The following LENG8 variants were observed in gnomAD, a reference collection of about 807,000 sequenced individuals.
LENG8 encodes leukocyte receptor cluster member 8, also known as leukocyte receptor cluster (LRC) member 8.
A neutral mutation model predicts 102.1 loss-of-function variants in LENG8; 28 were observed. The observed-to-expected ratio is 0.27, with a 90% confidence interval of 0.20 to 0.38. The LOEUF (loss-of-function observed/expected upper bound fraction) is 0.38. Among genes scored for constraint, LENG8 ranks in the 10% least tolerant of loss-of-function variants. The pLI, the probability that LENG8 is intolerant of heterozygous loss-of-function variation, is 1.00. For missense variants in LENG8, 1,022 were observed against 1,113.9 expected, an observed-to-expected ratio of 0.92 and a Z score of 1.17; for synonymous variants, 531 against 456.7, an observed-to-expected ratio of 1.16 and a Z score of -2.07.
rs1462020605 is a variant in LENG8 at position 54,454,995 on chromosome 19, C to T, written c.724C>T (p.Pro242Ser). Residue 242 changes from proline (P) to serine (S), a missense_variant, in exon 7 of 16, where the codon CCC becomes TCC. Pro to Ser is a moderately conservative substitution (Grantham distance 74). This residue lies in a region of LENG8 where 343 missense variants were observed against 320.2 expected (regional missense o/e 1.07). Coordinates refer to ENST00000326764, the MANE Select transcript of LENG8 (RefSeq NM_052925.4). ...GGLKFNIQKRPFAVTTQSFGS... is the reference protein window; with the variant it reads ...GGLKFNIQKRSFAVTTQSFGS... Reference sequence around the variant, plus strand: ...TCTCAAGTTCAACATCCAGAAGCGACCCTTTGCTGTTACCACCCAGAGCTT... The same window carrying T: ...TCTCAAGTTCAACATCCAGAAGCGATCCTTTGCTGTTACCACCCAGAGCTT... 1.9e-6 allele frequency: 3 copies of T among 1,614,214 alleles called. No individual in the cohort carries two copies. Among genetic ancestry groups the T allele is most frequent in the Non-Finnish European group, 2.5e-6 (3 of 1,180,036 alleles).
At position 54,457,701 on chromosome 19, in the gene LENG8, G is replaced by C. The variant is rs761379324; in HGVS notation, c.1732-46G>C. On this transcript the variant is annotated intron_variant, in intron 11 of 15. Transcript: ENST00000326764. ...CAAATAAGTGGAAGCCGTTGGCCACGCTACCTGAGTTGTACTCCGAGTGTG... is the reference window on the plus strand; with the variant it reads ...CAAATAAGTGGAAGCCGTTGGCCACCCTACCTGAGTTGTACTCCGAGTGTG... The C allele has an allele frequency of 3.6e-6, 5 of 1,392,690 alleles. No homozygotes were observed. The African/African-American group carries it at 5.7e-5, about 16-fold the overall frequency. 86.3% of individuals were successfully genotyped at this position (1,392,690 alleles called of 1,614,324 possible).
intron 11 of LENG8, among the ~76,000 whole-genome samples, chr19:54,457,319 C>A (rs1393108101): frequency 1.3e-5 from 2 of 152,188 alleles, no homozygotes; most frequent in African/African-American, 4.8e-5. Context: ...GAGGTGGCCA[C>A]TCTTAACCCA....
intron 6 of LENG8, 129 bp from the exon 7 acceptor site, chr19:54,454,822 G>A: frequency 1.4e-6 from 2 of 1,431,602 alleles, no homozygotes; most frequent in Non-Finnish European, 1.9e-6. Flanking sequence ...TCTGGACCAG[G>A]CACATGTGTG....
Position 54,456,096 on chromosome 19 carries a change from C to A in LENG8, c.1155C>A (p.Pro385=). 1 of 1,608,718 alleles carries A rather than the reference C, an allele frequency of 6.2e-7. No individual in the cohort carries two copies. Residue 385 remains proline (P), a synonymous_variant, in exon 9 of 16, where the codon CCC becomes CCA. Transcript: ENST00000326764. ...GTGCCCCGTCCCAGCGAGGGACGCC[C>A]GGGGCTGGGGGTGCCGGTCGAGCCC... ...GGGAPSQRGT[P]GAGGAGRARG... is the part of the protein sequence containing the mutation.
rs1321883221 is a variant in LENG8, at chr19:54,461,806, T to G, written c.*878T>G. The G allele has an allele frequency of 2.6e-5, 12 of 467,666 alleles. No homozygotes were observed. Among genetic ancestry groups the G allele is most frequent in the East Asian group, 1.4e-4 (2 of 14,070 alleles). 29.0% of individuals were successfully genotyped at this position (467,666 alleles called of 1,614,324 possible). On this transcript the variant is annotated 3_prime_UTR_variant, in exon 16 of 16. Transcript: ENST00000326764. The stretch of plus-strand genomic sequence containing the variant: ...CTCCTCTCCCTTTTCTTTTTGGCCC[T>G]CCCTCCCTCCCTCTTCTGCCATGTA...
intron 7 of LENG8, 78 bp downstream of exon 7, chr19:54,455,170 G>A: frequency 6.3e-7 from 1 of 1,589,110 alleles, no homozygotes; most frequent in Admixed American, 1.7e-5. Flanking sequence ...CTGGCCAGCT[G>A]CCCACCCTGA....
chr19:54,456,348 G>C lies in LENG8; in HGVS notation c.1328G>C (p.Ser443Thr). The C allele has an allele frequency of 6.2e-7, 1 of 1,613,778 alleles. No individual in the cohort carries two copies. Among genetic ancestry groups the C allele is most frequent in the Non-Finnish European group, 8.5e-7 (1 of 1,180,008 alleles). Residue 443 changes from serine (S) to threonine (T), a missense_variant, in exon 10 of 16, where the codon AGC becomes ACC. Physicochemically the swap from Ser to Thr is moderately conservative, Grantham distance 58. This residue lies in a region of LENG8 where 326 missense variants were observed against 324.5 expected (regional missense o/e 1.00). Coordinates refer to ENST00000326764, the MANE Select transcript of LENG8 (RefSeq NM_052925.4). Reference protein sequence around the residue: ...RRSDSHSDSDSSYSGNECHPV... With the variant: ...RRSDSHSDSDTSYSGNECHPV... Reference sequence around the variant, plus strand: ...AGTGACTCCCACTCAGACTCCGACAGCTCCTACTCAGGGAATGAGTGTCAC... The same window carrying C: ...AGTGACTCCCACTCAGACTCCGACACCTCCTACTCAGGGAATGAGTGTCAC...
Position 54,460,868 on chromosome 19 carries a change from G to C in LENG8, c.2343G>C (p.Thr781=). The C allele has an allele frequency of 6.4e-7, 1 of 1,562,978 alleles. No homozygotes were observed. The highest frequency in any genetic ancestry group is 8.7e-7 in the Non-Finnish European group (1 of 1,155,126). The change falls in exon 16 of 16, where the codon ACG becomes ACC. Residue 781 remains threonine, a synonymous_variant. Coordinates refer to ENST00000326764, the MANE Select transcript of LENG8 (RefSeq NM_052925.4). ...TAGAGCCCCTGGGCCTGGCCTACAC[G>C]GGCCCGGACAACTCCAGCATCGACT... ...AFLEPLGLAY[T]GPDNSSIDCR...
chr19:54,451,971 T>C, intron 2 of LENG8, 122 bp from the exon 3 acceptor site: 1 of 872,910 alleles, frequency 1.1e-6, no homozygotes, highest in Non-Finnish European at 1.8e-6. Flanking sequence ...ATTAGAAAAC[T>C]TAGGCTTAGA....
At chr19:54,457,159 G>A (rs2084294216) in intron 11 of LENG8, among the ~76,000 whole-genome samples, 1 of 152,262 alleles carries the variant, frequency 6.6e-6, no homozygotes, top group South Asian at 2.1e-4. Flanking sequence ...TCTGGGCCGT[G>A]GTTCCTGGCT....
At chr19:54,458,929 T>A (rs879234431) in intron 15 of LENG8, 2 of 1,524,598 alleles carry the variant, frequency 1.3e-6, no homozygotes, top group East Asian at 2.5e-5. Flanking sequence ...CAGCCTCTGG[T>A]CTACCAGGAC....
chr19:54,458,544 C>G (rs1288127394), intron 15 of LENG8, 23 bp downstream of exon 15: 3 of 1,613,970 alleles, frequency 1.9e-6, no homozygotes, highest in Non-Finnish European at 2.5e-6. Flanking sequence ...AAGCTCCCTT[C>G]TGCCTTTGCT....
At position 54,458,046 on chromosome 19, in the gene LENG8, C is replaced by T. The variant is rs571194390; in HGVS notation, c.1902+44C>T. The T allele has an allele frequency of 2.4e-5, 39 of 1,612,466 alleles. No homozygotes were observed. The East Asian group carries it at 2.9e-4, about 12-fold the overall frequency. ...GCCTCCCCAGCCCCTTTCCTGCTGC[C>T]GTTCTGCCCTCAGCACCCTCACTCT... On this transcript the variant is annotated intron_variant, in intron 13 of 15. Transcript: ENST00000326764.
At chr19:54,458,752 A>G in intron 15 of LENG8, 1 of 1,550,972 alleles carries the variant, frequency 6.4e-7, no homozygotes, top group Non-Finnish European at 8.7e-7. Context: ...CACTGTTCCC[A>G]GCTCACTGCC....
Position 54,456,317 on chromosome 19 carries a change from TC to T in LENG8, c.1305-6del. On this transcript the variant is annotated splice_polypyrimidine_tract_variant and splice_region_variant and intron_variant, in intron 9 of 15. Coordinates refer to ENST00000326764, the MANE Select transcript of LENG8 (RefSeq NM_052925.4). ...TTTCAGGCCTGACCCTCCTGCTTCT[TC>T]CTGCAGTGACTCCCACTCAGACTCC... 1 of 1,614,062 alleles carries T rather than the reference TC, an allele frequency of 6.2e-7. No individual in the cohort carries two copies. Among genetic ancestry groups the T allele is most frequent in the Non-Finnish European group, 8.5e-7 (1 of 1,179,990 alleles).
In LENG8 at chr19:54,451,352, C is replaced by T. The variant is rs1278561052; in HGVS notation, c.8C>T (p.Ala3Val). The T allele has an allele frequency of 6.2e-7, 1 of 1,614,184 alleles. No individual in the cohort carries two copies. Among genetic ancestry groups the T allele is most frequent in the Admixed American group, 1.7e-5 (1 of 60,016 alleles). MA[A>V]NVGDQRSTDW... ...TTATACCCCAAGGTCCAGATGGCGGCCAACGTGGGTGATCAACGTAGCACA... is the reference window on the plus strand; with the variant it reads ...TTATACCCCAAGGTCCAGATGGCGGTCAACGTGGGTGATCAACGTAGCACA... The change falls in exon 2 of 16, where the codon GCC becomes GTC. Residue 3 changes from alanine (A) to valine (V), a missense_variant. Physicochemically the swap from Ala to Val is moderately conservative, Grantham distance 64 (BLOSUM62 0). This residue lies in a region of LENG8 where 37 missense variants were observed against 46.3 expected (regional missense o/e 0.80). Transcript: ENST00000326764.
In LENG8 at chr19:54,454,582, C is replaced by A; in HGVS notation, c.579C>A (p.His193Gln). Residue 193 changes from histidine to glutamine, a missense_variant, in exon 6 of 16, where the codon CAC (histidine) becomes CAA (glutamine). Around this residue, in one of 7 missense-constraint regions of LENG8, gnomAD observed 343 missense variants for 320.2 expected, o/e 1.07. Transcript: ENST00000326764. The part of the protein sequence containing the change: ...PQPGTAPATQ[H>Q]SQAGPATGQA... ...CTGGGACAGCTCCAGCCACACAGCA[C>A]AGCCAGGCGGGGCCCGCCACGGGCC... The A allele has an allele frequency of 6.2e-7, 1 of 1,606,564 alleles. No individual in the cohort carries two copies. The highest frequency in any genetic ancestry group is 1.3e-5 in the African/African-American group (1 of 74,870).
intron 8 of LENG8, 74 bp downstream of exon 8, chr19:54,455,641 G>A (rs537784147): frequency 2.7e-5 from 36 of 1,337,512 alleles, no homozygotes; most frequent in Non-Finnish European, 3.6e-5. Context: ...AGGTAGGAGA[G>A]TTGCGGGTCC....
In LENG8 at chr19:54,460,844, A is replaced by C. The variant is rs1176552304; in HGVS notation, c.2319A>C (p.Leu773=). Residue 773 remains leucine, a synonymous_variant, in exon 16 of 16, where the codon CTA becomes CTC. Coordinates refer to ENST00000326764, the MANE Select transcript of LENG8 (RefSeq NM_052925.4). ...FEGEAACRAF[L]EPLGLAYTGP... ...GCGAGGCCGCCTGCCGGGCCTTCCT[A>C]GAGCCCCTGGGCCTGGCCTACACGG... is the stretch of plus-strand genomic sequence containing the variant. The C allele has an allele frequency of 5.1e-6, 8 of 1,574,430 alleles. 1 individual carries two copies. The Admixed American group carries it at 1.5e-4, about 29-fold the overall frequency.
Sources: allele counts gnomAD v4.1 joint callset (sites outside exome capture counted in the v4.1 genomes callset), GRCh38; gene constraint gnomAD v4.1.1; regional missense constraint gnomAD v4.1.1; transcripts MANE v1.5; gene names NCBI Gene and HGNC (gene_info 2026-07-23, HGNC 2026-07-21).